ADAMTSL1: variants seen among roughly 807,000 people sequenced by gnomAD.
The protein encoded by ADAMTSL1 is ADAMTS-like protein 1.
A neutral mutation model predicts 201.8 loss-of-function variants in ADAMTSL1; 126 were observed. The observed-to-expected ratio is 0.62, with a 90% CI of 0.54 to 0.72. The LOEUF is 0.72. Ranked by LOEUF, ADAMTSL1 falls within the 30% of genes least tolerant of loss-of-function variation. The pLI, the probability that ADAMTSL1 is intolerant of heterozygous loss-of-function variation, is 0.00. For synonymous variants in ADAMTSL1, 1,121 were observed against 903.4 expected (o/e 1.24, Z -4.32); for missense variants, 2,679 against 2,277.8 (o/e 1.18, Z -3.59).
chr9:18,779,992 A>G (rs914925909), intron 19 of ADAMTSL1, among the ~76,000 whole-genome samples: 12 of 152,198 alleles, frequency 7.9e-5, no homozygotes, highest in Admixed American at 5.9e-4. Context: ...ACTTCCTCCT[A>G]AAAAGCTGTG....
rs1293863101 is a variant in ADAMTSL1, at chr9:18,003,534, T to C, written c.87+96612T>C. 3.3e-5 allele frequency among the ~76,000 whole-genome samples: 5 copies of C among 152,218 alleles called. No homozygotes were observed. In the South Asian group the frequency reaches 6.2e-4, roughly 19 times the overall value. ...CATGACCTGTTGTTTTACTGCAACA[T>C]GAATCAGCACTTTGGAAACACTCAA... On this transcript the variant is annotated intron_variant, in intron 1 of 29. Transcript: ENST00000680146.
chr9:18,342,768 T>C (rs778958441), intron 2 of ADAMTSL1, among the ~76,000 whole-genome samples: 9 of 152,130 alleles, frequency 5.9e-5, no homozygotes, highest in Admixed American at 3.3e-4. Context: ...TCATTTGCTT[T>C]AAGTTATAAT....
At chr9:18,438,470 A>T (rs1020548694) in intron 2 of ADAMTSL1, among the ~76,000 whole-genome samples, 1 of 151,994 alleles carries the variant, frequency 6.6e-6, no homozygotes, top group Non-Finnish European at 1.5e-5. Flanking sequence ...GTGGCCAGGG[A>T]TGTTTTTGCT....
At chr9:18,314,003 C>G (rs10738507) in intron 2 of ADAMTSL1, among the ~76,000 whole-genome samples, 67,110 of 151,820 alleles carry the variant, frequency 0.44, 15,393 homozygotes, top group Admixed American at 0.59. Context: ...AATGACCCAA[C>G]TAAAAAAAAT....
intron 1 of ADAMTSL1, among the ~76,000 whole-genome samples, chr9:17,965,134 G>T (rs967643616): frequency 6.6e-6 from 1 of 152,124 alleles, no homozygotes; most frequent in African/African-American, 2.4e-5. Flanking sequence ...TGAAGATAGA[G>T]TAAAACTTAA....
chr9:18,574,040 C>A lies in ADAMTSL1; in HGVS notation c.248C>A (p.Pro83Gln), dbSNP rs761271486. 1.2e-6 allele frequency: 2 copies of A among 1,613,366 alleles called. No individual in the cohort carries two copies. The highest frequency in any genetic ancestry group is 1.7e-6 in the Non-Finnish European group (2 of 1,179,560). Residue 83 changes from proline to glutamine, a missense_variant, in exon 4 of 29, where the codon CCA (proline) becomes CAA (glutamine). Coordinates refer to ENST00000380548, the MANE Select transcript of ADAMTSL1 (RefSeq NM_001040272.6). ...CTCTTTTTTCTCCAGGACTGCCCAC[C>A]AGAAGCAGGTGATTTCCGAGCTCAG... ...YRTCSNVDCPPEAGDFRAQQC... is the reference protein window; with the variant it reads ...YRTCSNVDCPQEAGDFRAQQC...
chr9:18,663,749 A>G (rs1361221043), intron 9 of ADAMTSL1, among the ~76,000 whole-genome samples: 1 of 152,110 alleles, frequency 6.6e-6, no homozygotes, highest in Admixed American at 6.6e-5. Flanking sequence ...AGAGATGGCC[A>G]TGGAAGAGAG....
At chr9:18,196,025 GGT>G (rs1829161689) in intron 2 of ADAMTSL1, among the ~76,000 whole-genome samples, 1 of 152,070 alleles carries the variant, frequency 6.6e-6, no homozygotes, top group African/African-American at 2.4e-5. Flanking sequence ...TGTTAGGACT[GGT>G]CAAATAAGTT....
chr9:18,655,506 C>G (rs1828573435), intron 7 of ADAMTSL1, among the ~76,000 whole-genome samples: 1 of 152,080 alleles, frequency 6.6e-6, no homozygotes, highest in Admixed American at 6.6e-5. Context: ...CTTTCTAGAA[C>G]AGAGTTTCTC....
intron 23 of ADAMTSL1, among the ~76,000 whole-genome samples, chr9:18,864,046 TCTTTCATA>T (rs1422886881): frequency 6.6e-6 from 1 of 152,208 alleles, no homozygotes; most frequent in Non-Finnish European, 1.5e-5. Context: ...TAATGCCACA[TCTTTCATA>T]CTTTTACACA....
chr9:18,193,704 G>A (rs941092579), intron 2 of ADAMTSL1, among the ~76,000 whole-genome samples: 5 of 152,116 alleles, frequency 3.3e-5, no homozygotes, highest in African/African-American at 7.2e-5. Flanking sequence ...TGTTTGGACA[G>A]CCTACTCCCA....
chr9:18,312,038 C>T (rs1231920375), intron 2 of ADAMTSL1, among the ~76,000 whole-genome samples: 2 of 152,168 alleles, frequency 1.3e-5, no homozygotes, highest in African/African-American at 4.8e-5. Context: ...TCCCACAGAG[C>T]TTACATCCTA....
At chr9:18,084,775 G>A (rs930711891) in intron 1 of ADAMTSL1, among the ~76,000 whole-genome samples, 2 of 148,026 alleles carry the variant, frequency 1.4e-5, no homozygotes, top group Admixed American at 1.4e-4. Flanking sequence ...GGAGACATGA[G>A]AGTGAGCAAA....
At chr9:18,432,239 C>T (rs1819525107) in intron 2 of ADAMTSL1, among the ~76,000 whole-genome samples, 1 of 152,126 alleles carries the variant, frequency 6.6e-6, no homozygotes, top group Admixed American at 6.6e-5. Context: ...ATCAGACCAA[C>T]CTCGAGTCTT....
At chr9:18,183,822 A>G (rs922449812) in intron 2 of ADAMTSL1, among the ~76,000 whole-genome samples, 2 of 152,248 alleles carry the variant, frequency 1.3e-5, no homozygotes, top group African/African-American at 4.8e-5. Context: ...TATTCTAATT[A>G]CAGCTTGAAG....
intron 1 of ADAMTSL1, among the ~76,000 whole-genome samples, chr9:18,110,272 C>A (rs534487393): frequency 2.4e-4 from 37 of 152,308 alleles, no homozygotes; most frequent in Non-Finnish European, 4.7e-4. Context: ...TCTCTGGCAT[C>A]TCAAGGGTCT....
In ADAMTSL1 at chr9:18,511,975, A is replaced by C. The variant is rs569946622; in HGVS notation, c.191+7019A>C. Among the ~76,000 whole-genome samples, 9 of 152,262 alleles carry C rather than the reference A, an allele frequency of 5.9e-5. No homozygotes were observed. In the East Asian group the frequency reaches 1.7e-3, roughly 29 times the overall value. On this transcript the variant is annotated intron_variant, in intron 2 of 28. Transcript: ENST00000380548. ...AAGCAGGCTTTATCTGTTATTCTTC[A>C]TCTGGTGTTATATGTTATCACCCTT...
chr9:18,721,292 T>C (rs1833350590), intron 14 of ADAMTSL1, among the ~76,000 whole-genome samples: 1 of 152,198 alleles, frequency 6.6e-6, no homozygotes, highest in Non-Finnish European at 1.5e-5. Flanking sequence ...GCCTCTCTTC[T>C]GTGGGGGAGT....
chr9:18,337,401 G>C (rs771003867), intron 2 of ADAMTSL1, among the ~76,000 whole-genome samples: 1 of 152,126 alleles, frequency 6.6e-6, no homozygotes, highest in Non-Finnish European at 1.5e-5. Context: ...GCTTTACCTT[G>C]TGATGGTGTG....
Sources: gnomAD v4.1 joint callset for allele counts (sites outside exome capture counted in the v4.1 genomes callset) on GRCh38, gnomAD v4.1.1 for gene constraint, MANE v1.5 for transcripts, NCBI Gene and HGNC (gene_info 2026-07-23, HGNC 2026-07-21) for gene names.